Variants in MGMT observed in about 807,000 individuals in gnomAD.
MGMT encodes O-6-methylguanine-DNA methyltransferase, also known as methylated-DNA--protein-cysteine methyltransferase.
MGMT carries 14 observed loss-of-function variants against 15.9 expected under a neutral mutation model. The ratio of observed to expected loss-of-function variants is 0.88; its 90% CI spans 0.58 to 1.37. The LOEUF is 1.37. Ranked by LOEUF, MGMT falls within the 40% of genes most tolerant of loss-of-function variation. The pLI is 0.00. For missense variants in MGMT, 282 were observed against 268.1 expected, an observed-to-expected ratio of 1.05 and a Z score of -0.36; for synonymous variants, 130 against 118.2, an observed-to-expected ratio of 1.10 and a Z score of -0.65.
intron 2 of MGMT, among the ~76,000 whole-genome samples, chr10:129,587,787 T>TTTTAATAAC (rs1219415345): frequency 3.1e-4 from 47 of 152,172 alleles, no homozygotes; most frequent in African/African-American, 1.1e-3. Context: ...ATAACGACTA[T>TTTTAATAAC]GTTAATATCC....
intron 3 of MGMT, among the ~76,000 whole-genome samples, chr10:129,733,917 A>G (rs980743451): frequency 1.2e-4 from 18 of 152,076 alleles, no homozygotes; most frequent in African/African-American, 3.6e-4. Flanking sequence ...CCATTGGTCT[A>G]TATCTCTGTT....
intron 2 of MGMT, chr10:129,694,042 G>A (rs145034792): frequency 6.0e-4 from 91 of 152,422 alleles, no homozygotes; most frequent in African/African-American, 2.0e-3. Context: ...CAGGCAGCAG[G>A]GAGAGGACGT....
At chr10:129,596,085 CCCCTGCCCCG>C (rs879769013) in intron 2 of MGMT, among the ~76,000 whole-genome samples, 2 of 152,076 alleles carry the variant, frequency 1.3e-5, no homozygotes, top group Middle Eastern at 3.4e-3. Flanking sequence ...TGCTTACTTC[CCCCTGCCCCG>C]CCCTGCCCCT....
chr10:129,692,853 G>C (rs1242866589), intron 2 of MGMT, among the ~76,000 whole-genome samples: 1 of 152,176 alleles, frequency 6.6e-6, no homozygotes, highest in Admixed American at 6.5e-5. Context: ...CTGCCTGGAG[G>C]GAGCTGCCAC....
chr10:129,662,230 A>G (rs780752311), intron 2 of MGMT, among the ~76,000 whole-genome samples: 6 of 152,168 alleles, frequency 3.9e-5, no homozygotes, highest in Middle Eastern at 3.2e-3. Flanking sequence ...GCCCTACTGT[A>G]TAGGTCATAG....
chr10:129,541,071 A>G lies in MGMT; in HGVS notation c.125+4694A>G, dbSNP rs552083907. Among the ~76,000 whole-genome samples the G allele has an allele frequency of 5.9e-5, 9 of 152,326 alleles. 1 individual carries two copies. In the South Asian group the frequency reaches 1.9e-3, roughly 32 times the overall value. On this transcript the variant is annotated intron_variant, in intron 2 of 4. Coordinates refer to ENST00000651593, the MANE Select transcript of MGMT (RefSeq NM_002412.5). ...GGTGTTTCTTTAGTAGATAAATTAC[A>G]GGTTGACCACTGGGCCTTCTTCAGT...
intron 3 of MGMT, among the ~76,000 whole-genome samples, chr10:129,743,458 G>A (rs532995513): frequency 2.0e-5 from 3 of 152,302 alleles, no homozygotes; most frequent in Non-Finnish European, 2.9e-5. Flanking sequence ...GCATCAGTGC[G>A]TTGGTTGGTG....
At chr10:129,715,664 T>G (rs966598790) in intron 3 of MGMT, 1 of 152,234 alleles carries the variant, frequency 6.6e-6, no homozygotes, top group Non-Finnish European at 1.5e-5. Flanking sequence ...CTCCACTACC[T>G]GTGTTTATAG....
chr10:129,656,609 A>G (rs893546032), intron 2 of MGMT, among the ~76,000 whole-genome samples: 4 of 152,150 alleles, frequency 2.6e-5, no homozygotes, highest in African/African-American at 9.7e-5. Context: ...TTTTAGAGAG[A>G]CATGATACAT....
intron 2 of MGMT, among the ~76,000 whole-genome samples, chr10:129,638,254 T>C (rs896567292): frequency 2.0e-5 from 3 of 151,928 alleles, no homozygotes; most frequent in African/African-American, 7.3e-5. Flanking sequence ...GGGCTACTTA[T>C]CTTGTATGAG....
intron 2 of MGMT, among the ~76,000 whole-genome samples, chr10:129,704,546 G>A (rs532838095): frequency 1.3e-5 from 2 of 152,224 alleles, no homozygotes; most frequent in African/African-American, 4.8e-5. Context: ...CAGTGTCCAC[G>A]GGGTCAGCGT....
chr10:129,749,050 C>T (rs1281492134), intron 3 of MGMT, among the ~76,000 whole-genome samples: 2 of 152,124 alleles, frequency 1.3e-5, no homozygotes, highest in African/African-American at 2.4e-5. Context: ...TCAGTGAGGA[C>T]GTTTTATAAG....
chr10:129,476,964 C>T (rs12412984), intron 1 of MGMT, among the ~76,000 whole-genome samples: 40,441 of 152,030 alleles, frequency 0.27, 6,307 homozygotes, highest in Non-Finnish European at 0.35. Context: ...GCATGGTCCT[C>T]GCAGCCTCCC....
intron 3 of MGMT, among the ~76,000 whole-genome samples, chr10:129,724,241 G>A (rs551378553): frequency 8.5e-5 from 13 of 152,120 alleles, no homozygotes; most frequent in Admixed American, 2.0e-4. Context: ...ACACAGCCTC[G>A]TGGATGAGTC....
At chr10:129,762,089 T>G (rs1338392855) in intron 4 of MGMT, among the ~76,000 whole-genome samples, 1 of 152,204 alleles carries the variant, frequency 6.6e-6, no homozygotes, top group Non-Finnish European at 1.5e-5. Context: ...AGTGAGCCAT[T>G]GCTGCTGTCA....
At chr10:129,604,063 T>C (rs1391035220) in intron 2 of MGMT, among the ~76,000 whole-genome samples, 1 of 152,194 alleles carries the variant, frequency 6.6e-6, no homozygotes, top group Non-Finnish European at 1.5e-5. Context: ...TATACATTTG[T>C]AGCTTGATAT....
intron 2 of MGMT, among the ~76,000 whole-genome samples, chr10:129,650,427 T>C (rs1163532787): frequency 6.6e-6 from 1 of 152,202 alleles, no homozygotes; most frequent in Non-Finnish European, 1.5e-5. Context: ...TTCTTACCTT[T>C]GGGCTTCCAG....
chr10:129,647,483 G>A (rs1038598551), intron 2 of MGMT, among the ~76,000 whole-genome samples: 23 of 152,326 alleles, frequency 1.5e-4, no homozygotes, highest in African/African-American at 4.3e-4. Context: ...CGAAGCGTTG[G>A]TTAGTTTGTG....
chr10:129,502,146 G>A lies in MGMT; in HGVS notation c.-12-34095G>A, dbSNP rs534146295. Among the ~76,000 whole-genome samples, 5 of 152,352 alleles carry A rather than the reference G, an allele frequency of 3.3e-5. No individual in the cohort carries two copies. In the East Asian group the frequency reaches 9.6e-4, roughly 29 times the overall value. On this transcript the variant is annotated intron_variant, in intron 1 of 4. Transcript: ENST00000651593. ...GCCATCCTGACTAGTACAGCGTGGA[G>A]TGTGTCTATGTCCTGGAGCTTGGGG...
Sources: gnomAD v4.1 joint callset for allele counts (sites outside exome capture counted in the v4.1 genomes callset) on GRCh38, gnomAD v4.1.1 for gene constraint, MANE v1.5 for transcripts, NCBI Gene and HGNC (gene_info 2026-07-23, HGNC 2026-07-21) for gene names.